The following ERICH1 variants were observed in gnomAD, a reference collection of about 807,000 sequenced individuals.
ERICH1 encodes the protein glutamate-rich protein 1.
ERICH1 carries 56 observed loss-of-function variants against 39.6 expected under a neutral mutation model. That is an observed-to-expected ratio of 1.41 (90% confidence interval 1.14 to 1.77). The LOEUF is 1.77. Ranked by LOEUF, ERICH1 falls within the 40% of genes most tolerant of loss-of-function variation. The pLI, the probability that ERICH1 is intolerant of heterozygous loss-of-function variation, is 0.00. For synonymous variants in ERICH1, 313 were observed against 223.6 expected (o/e 1.40, Z -3.57); for missense variants, 826 against 575.4 (o/e 1.44, Z -4.45).
chr8:697,946 G>A (rs58155246), intron 2 of ERICH1, among the ~76,000 whole-genome samples: 69,156 of 151,654 alleles, frequency 0.46, 16,148 homozygotes, highest in Middle Eastern at 0.58. Context: ...TGCCTGATGG[G>A]CTGCAAGGGA....
chr8:655,660 A>ATTCCTTCCTTCC (rs57152332), intron 3 of ERICH1, among the ~76,000 whole-genome samples: 3,918 of 143,038 alleles, frequency 0.027, 98 homozygotes, highest in Middle Eastern at 0.07. Context: ...TGTCCTCTGC[A>ATTCCTTCCTTCC]TTCCTTCCTT....
At chr8:622,789 T>C (rs1422087944) in intron 3 of ERICH1, among the ~76,000 whole-genome samples, 1 of 151,786 alleles carries the variant, frequency 6.6e-6, no homozygotes, top group Non-Finnish European at 1.5e-5. Flanking sequence ...CGTGTCTCTA[T>C]AAAAAAATTT....
At chr8:715,224 A>G (rs1211970639) in intron 2 of ERICH1, among the ~76,000 whole-genome samples, 1 of 145,842 alleles carries the variant, frequency 6.9e-6, no homozygotes, top group East Asian at 2.0e-4. Flanking sequence ...CGTGTCTCTC[A>G]GTAGGATGTG....
chr8:731,020 G>C, intron 1 of ERICH1, 120 bp downstream of exon 1: 1 of 1,202,100 alleles, frequency 8.3e-7, no homozygotes, highest in Non-Finnish European at 1.1e-6. Flanking sequence ...GTGGGGAGTC[G>C]GTCTGGGTTT....
At chr8:697,487 C>T (rs1810592744) in intron 2 of ERICH1, among the ~76,000 whole-genome samples, 1 of 152,194 alleles carries the variant, frequency 6.6e-6, no homozygotes, top group African/African-American at 2.4e-5. Flanking sequence ...AGAAGCTTGG[C>T]TCAGACTCCC....
chr8:621,875 C>T (rs1425967582), intron 3 of ERICH1, among the ~76,000 whole-genome samples: 1 of 152,160 alleles, frequency 6.6e-6, no homozygotes, highest in African/African-American at 2.4e-5. Flanking sequence ...CCCAAACCAA[C>T]TCAAAAGGAA....
intron 1 of ERICH1, among the ~76,000 whole-genome samples, chr8:721,599 C>G (rs1211025899): frequency 6.6e-6 from 1 of 152,246 alleles, no homozygotes; most frequent in Non-Finnish European, 1.5e-5. Context: ...CTGCATGGCA[C>G]TGATGCCCTT....
intron 1 of ERICH1, among the ~76,000 whole-genome samples, chr8:719,648 G>A (rs1816836581): frequency 1.3e-5 from 2 of 152,200 alleles, no homozygotes; most frequent in Admixed American, 6.5e-5. Flanking sequence ...CCTGGCGGTG[G>A]CAGACGTCGC....
At chr8:650,456 A>G (rs2117308335) in intron 3 of ERICH1, among the ~76,000 whole-genome samples, 1 of 152,246 alleles carries the variant, frequency 6.6e-6, no homozygotes, top group South Asian at 2.1e-4. Context: ...CATCTCAGTT[A>G]CCGTCCTCGG....
chr8:678,835 C>T (rs1805446914), intron 3 of ERICH1, among the ~76,000 whole-genome samples: 1 of 152,122 alleles, frequency 6.6e-6, no homozygotes, highest in Non-Finnish European at 1.5e-5. Context: ...CAACACATGT[C>T]TTACATACCC....
intron 1 of ERICH1, among the ~76,000 whole-genome samples, chr8:720,381 C>T (rs1817027924): frequency 6.6e-6 from 1 of 152,170 alleles, no homozygotes; most frequent in Non-Finnish European, 1.5e-5. Flanking sequence ...CAGTGTCAGC[C>T]ACAGACACAC....
rs1429066014 is a variant in ERICH1, at chr8:673,373, C to T, written c.979G>A (p.Glu327Lys). The T allele has an allele frequency of 3.1e-6, 5 of 1,614,076 alleles. No homozygotes were observed. Among genetic ancestry groups the T allele is most frequent in the African/African-American group, 1.3e-5 (1 of 74,940 alleles). Reference sequence around the variant, plus strand: ...TCATTGGTAATTGTATCATCTTCCTCGCTGGCGTCTGCACCGTCCTCCTCC... The same window carrying T: ...TCATTGGTAATTGTATCATCTTCCTTGCTGGCGTCTGCACCGTCCTCCTCC... ...SGEEDGADASEEDDTITNEKA... is the reference protein window; with the variant it reads ...SGEEDGADASKEDDTITNEKA... The change falls in exon 4 of 6, where the codon GAG (glutamate) becomes AAG (lysine). Residue 327 changes from glutamate (E) to lysine (K), a missense_variant. Transcript: ENST00000262109.
rs1811665870 is a variant in ERICH1, at chr8:700,273, G to GCC, written c.170-7662_170-7661insGG. Among the ~76,000 whole-genome samples, 7 of 87,006 alleles carry GCC rather than the reference G, an allele frequency of 8.0e-5. 2 individuals carry two copies. The highest frequency in any genetic ancestry group is 3.4e-4 in the East Asian group (1 of 2,926). 57.1% of individuals were successfully genotyped at this position (87,006 alleles called of 152,430 possible). ...CGCACACGCGCACAGGCCCGCACAGGCGCACAGACCCGCACAGGCCCGGAC... is the reference window on the plus strand; with the variant it reads ...CGCACACGCGCACAGGCCCGCACAGGCCCGCACAGACCCGCACAGGCCCGGAC... On this transcript the variant is annotated intron_variant, in intron 2 of 5. Coordinates refer to ENST00000262109, the MANE Select transcript of ERICH1 (RefSeq NM_207332.3).
intron 1 of ERICH1, among the ~76,000 whole-genome samples, chr8:726,763 AG>A (rs1818814986): frequency 1.3e-5 from 2 of 151,856 alleles, no homozygotes; most frequent in African/African-American, 4.8e-5. Flanking sequence ...CACCACACAC[AG>A]ACACATGTAC....
chr8:724,184 T>C (rs898797707), intron 1 of ERICH1, among the ~76,000 whole-genome samples: 1 of 152,108 alleles, frequency 6.6e-6, no homozygotes, highest in Non-Finnish European at 1.5e-5. Flanking sequence ...AAATGATCAT[T>C]TTCTACTGGA....
chr8:718,381 G>C (rs1326928976), intron 1 of ERICH1, among the ~76,000 whole-genome samples: 1 of 152,098 alleles, frequency 6.6e-6, no homozygotes, highest in Non-Finnish European at 1.5e-5. Flanking sequence ...TAAAAAAAAA[G>C]AAAGGTAGGG....
At chr8:620,215 G>C (rs991947944) in intron 3 of ERICH1, among the ~76,000 whole-genome samples, 52 of 152,320 alleles carry the variant, frequency 3.4e-4, no homozygotes, top group African/African-American at 1.2e-3. Flanking sequence ...AGGAGGCTGA[G>C]GCAGGAGAAT....
In ERICH1 at chr8:725,555, T is replaced by C. The variant is rs569299423; in HGVS notation, c.22+5585A>G. Among the ~76,000 whole-genome samples, 3 of 151,930 alleles carry C rather than the reference T, an allele frequency of 2.0e-5. No individual in the cohort carries two copies. In the East Asian group the frequency reaches 5.8e-4, roughly 30 times the overall value. ...CCACCACCTCCTCGGCCCACTTCCC[T>C]CTCCAGCTGTACACCAAGCACGACT... is the stretch of plus-strand genomic sequence containing the variant. On this transcript the variant is annotated intron_variant, in intron 1 of 5. Transcript: ENST00000262109.
chr8:662,238 G>C (rs1287523700), downstream of ERICH1, among the ~76,000 whole-genome samples: 2 of 152,408 alleles, frequency 1.3e-5, no homozygotes, highest in East Asian at 1.9e-4. Flanking sequence ...GCAGGGGATG[G>C]AGAAGGTGGA....
Sources: allele counts gnomAD v4.1 joint callset (sites outside exome capture counted in the v4.1 genomes callset), GRCh38; gene constraint gnomAD v4.1.1; transcripts MANE v1.5; gene names NCBI Gene and HGNC (gene_info 2026-07-23, HGNC 2026-07-21).